The following OVCH1 variants were observed in gnomAD, a reference collection of about 807,000 sequenced individuals.
OVCH1 encodes the protein ovochymase-1.
OVCH1 carries 139 observed loss-of-function variants against 138.4 expected under a neutral mutation model. The observed-to-expected ratio is 1.00, with a 90% CI of 0.87 to 1.16. The LOEUF is 1.16. Ranked by LOEUF, OVCH1 falls within the 50% of genes most tolerant of loss-of-function variation. The pLI is 0.00. For missense variants in OVCH1, 1,367 were observed against 1,357.9 expected (o/e 1.01, Z -0.11); for synonymous variants, 453 against 467.8 (o/e 0.97, Z 0.41).
intron 25 of OVCH1, among the ~76,000 whole-genome samples, chr12:29,440,093 T>A (rs1278053040): frequency 6.6e-6 from 1 of 152,150 alleles, no homozygotes; most frequent in Non-Finnish European, 1.5e-5. Context: ...TAAGTCAATT[T>A]CCAGTCCCTC....
intron 3 of OVCH1, among the ~76,000 whole-genome samples, chr12:29,413,669 TACACACACACACAC>T (rs3064302): frequency 6.6e-6 from 1 of 150,820 alleles, no homozygotes; most frequent in African/African-American, 2.5e-5. Flanking sequence ...ATTACACACA[TACACACACACACAC>T]ACACACATTG....
At chr12:29,422,951 A>C (rs10843416), downstream of OVCH1, among the ~76,000 whole-genome samples, 35,258 of 152,140 alleles carry the variant, frequency 0.23, 4,716 homozygotes, top group Admixed American at 0.4. Flanking sequence ...TTATTACCTC[A>C]GATGATTCAT....
At chr12:29,466,283 A>G (rs1472336055) in intron 16 of OVCH1, among the ~76,000 whole-genome samples, 8 of 145,738 alleles carry the variant, frequency 5.5e-5, no homozygotes, top group Non-Finnish European at 1.2e-4. Flanking sequence ...GGAAGAGAAA[A>G]TACGTTTCTC....
In OVCH1 at chr12:29,416,292, T is replaced by G. The variant is rs561713937; in HGVS notation, c.*72-3567A>C. Among the ~76,000 whole-genome samples, 16 of 152,276 alleles carry G rather than the reference T, an allele frequency of 1.1e-4. No individual in the cohort carries two copies. The South Asian group carries it at 3.3e-3, about 32-fold the overall frequency. On this transcript the variant is annotated intron_variant and NMD_transcript_variant, in intron 3 of 4. Coordinates refer to the OVCH1 transcript ENST00000539117. ...ACTTGACACCAAAAGGAGAAGCTTTTTTTTTTGAACGGAGCAATTGGACTT... is the reference window on the plus strand; with the variant it reads ...ACTTGACACCAAAAGGAGAAGCTTTGTTTTTTGAACGGAGCAATTGGACTT...
Position 29,439,413 on chromosome 12 carries a change from GC to G in OVCH1, c.3178del (p.Ala1060GlnfsTer2). ...TAATATGTCTTTTGTCAGTATCATTGCCAGAGTTCCAGCGAATGAAGCTAAG... is the reference window on the plus strand; with the variant it reads ...TAATATGTCTTTTGTCAGTATCATTGCAGAGTTCCAGCGAATGAAGCTAAG... On this transcript the variant is annotated frameshift_variant, in exon 26 of 28. Transcript: ENST00000318184. LOFTEE classifies it high-confidence loss of function. The G allele has an allele frequency of 3.2e-6, 5 of 1,539,348 alleles. No homozygotes were observed. The highest frequency in any genetic ancestry group is 4.4e-6 in the Non-Finnish European group (5 of 1,143,882).
intron 9 of OVCH1, chr12:29,477,722 G>C: frequency 1.1e-6 from 1 of 951,422 alleles, no homozygotes; most frequent in South Asian, 1.7e-5. Flanking sequence ...TCAAAATTCA[G>C]CTCTCTGATA....
chr12:29,415,450 G>A (rs1592021424), intron 3 of OVCH1, among the ~76,000 whole-genome samples: 1 of 152,232 alleles, frequency 6.6e-6, no homozygotes, highest in Non-Finnish European at 1.5e-5. Context: ...ATTTCCACGA[G>A]AAATTTATAA....
At chr12:29,486,438 G>T in intron 7 of OVCH1, 90 bp from the exon 8 acceptor site, 2 of 1,021,396 alleles carry the variant, frequency 2.0e-6, no homozygotes, top group Non-Finnish European at 1.4e-6. Context: ...AGAATATGAA[G>T]AATTATAACT....
chr12:29,433,671 T>C (rs1941308456), intron 27 of OVCH1: 1 of 1,344,966 alleles, frequency 7.4e-7, no homozygotes, highest in Non-Finnish European at 9.9e-7. Context: ...CCTACAACAA[T>C]TTGTTGGTGG....
At chr12:29,427,199 TC>T (rs1941194203), downstream of OVCH1, among the ~76,000 whole-genome samples, 1 of 152,174 alleles carries the variant, frequency 6.6e-6, no homozygotes, top group Admixed American at 6.6e-5. Flanking sequence ...CTCTGACAGT[TC>T]CCTAAGTTAC....
At chr12:29,434,791 AT>A (rs1275742843) in intron 26 of OVCH1, among the ~76,000 whole-genome samples, 2 of 152,178 alleles carry the variant, frequency 1.3e-5, no homozygotes, top group African/African-American at 4.8e-5. Context: ...GAAATTATAA[AT>A]TTCTGCTATA....
chr12:29,408,410 T>G (rs1202314340), downstream of OVCH1, among the ~76,000 whole-genome samples: 2 of 109,164 alleles, frequency 1.8e-5, no homozygotes, highest in Non-Finnish European at 4.5e-5. Context: ...ATGCTTCCAG[T>G]TTTTGCCCAT....
intron 13 of OVCH1, among the ~76,000 whole-genome samples, chr12:29,475,971 C>T (rs1942693965): frequency 6.6e-6 from 1 of 152,166 alleles, no homozygotes; most frequent in African/African-American, 2.4e-5. Flanking sequence ...TGCCTTTTCA[C>T]CTTACATGCA....
In OVCH1 at chr12:29,450,558, A is replaced by G. The variant is rs536759338; in HGVS notation, c.2755+787T>C. Among the ~76,000 whole-genome samples the G allele has an allele frequency of 2.0e-5, 3 of 152,332 alleles. No individual in the cohort carries two copies. In the South Asian group the frequency reaches 6.2e-4, roughly 32 times the overall value. On this transcript the variant is annotated intron_variant, in intron 22 of 27. Transcript: ENST00000318184. ...TGTGGAAAAATAGAAATGCTTTTACACTGTTGGTAGGAGTGTAAATTCGTT... is the reference window on the plus strand; with the variant it reads ...TGTGGAAAAATAGAAATGCTTTTACGCTGTTGGTAGGAGTGTAAATTCGTT...
chr12:29,440,622 G>T (rs893282296), intron 25 of OVCH1: 2 of 423,950 alleles, frequency 4.7e-6, no homozygotes, highest in South Asian at 1.7e-5. Context: ...GTTCTGTAGG[G>T]CAAGAAAGAT....
intron 8 of OVCH1, among the ~76,000 whole-genome samples, chr12:29,481,889 A>G (rs998687423): frequency 6.6e-6 from 1 of 152,104 alleles, no homozygotes; most frequent in African/African-American, 2.4e-5. Context: ...CAAACTGTCA[A>G]CTCATCAGCA....
intron 14 of OVCH1, among the ~76,000 whole-genome samples, chr12:29,474,801 T>C (rs1942645960): frequency 6.6e-6 from 1 of 152,196 alleles, no homozygotes; most frequent in South Asian, 2.1e-4. Context: ...ATTGTTTCTG[T>C]ATGTGGCGTG....
rs760370312 is a variant in OVCH1 at position 29,455,400 on chromosome 12, G to A, written c.2286C>T (p.Asp762=). ...GTCTACATACTAGTGGCCCACCAGA[G>A]TCTCCCTGAAACACCAAGAAAACAT... Residue 762 remains aspartate (D), a synonymous_variant, in exon 20 of 28, where the codon GAC becomes GAT. Transcript: ENST00000318184. 56 of 1,601,872 alleles carry A rather than the reference G, an allele frequency of 3.5e-5. No individual in the cohort carries two copies. In the South Asian group the frequency reaches 4.3e-4, roughly 12 times the overall value.
intron 26 of OVCH1, among the ~76,000 whole-genome samples, chr12:29,436,996 T>C (rs1002143001): frequency 1.3e-5 from 2 of 152,180 alleles, no homozygotes; most frequent in African/African-American, 4.8e-5. Context: ...TGCTGATTGG[T>C]CCATTTTACA....
Sources: allele counts gnomAD v4.1 joint callset (sites outside exome capture counted in the v4.1 genomes callset), GRCh38; gene constraint gnomAD v4.1.1; transcripts MANE v1.5; gene names NCBI Gene and HGNC (gene_info 2026-07-23, HGNC 2026-07-21).